The following NEBL variants were observed in gnomAD, a reference collection of about 807,000 sequenced individuals.
The protein encoded by NEBL is nebulette, also known as LIM and SH3 protein 2.
Under a neutral mutation model 140.2 loss-of-function variants are expected in NEBL, and 122 were observed. The ratio of observed to expected loss-of-function variants is 0.87; its 90% confidence interval spans 0.75 to 1.01. The LOEUF is 1.01. NEBL is among the 50% of genes least tolerant of loss of function. NEBL has a pLI of 0.00. For synonymous variants in NEBL, 436 were observed against 398.9 expected (o/e 1.09, Z -1.11); for missense variants, 1,365 against 1,231.3 (o/e 1.11, Z -1.62).
intron 2 of NEBL, among the ~76,000 whole-genome samples, chr10:21,109,126 G>C (rs539280356): frequency 3.3e-5 from 5 of 152,090 alleles, no homozygotes; most frequent in Non-Finnish European, 7.4e-5. Context: ...TATGATATTG[G>C]CTGTGGGTTT....
chr10:20,957,997 A>G (rs1296458386), intron 4 of NEBL, among the ~76,000 whole-genome samples: 1 of 152,136 alleles, frequency 6.6e-6, no homozygotes, highest in East Asian at 1.9e-4. Context: ...AATTTTCCCA[A>G]GGCTAGCCTG....
At chr10:21,218,949 G>C (rs115548632) in intron 3 of NEBL, among the ~76,000 whole-genome samples, 1 of 152,174 alleles carries the variant, frequency 6.6e-6, no homozygotes, top group South Asian at 2.1e-4. Flanking sequence ...CCTGGTACAG[G>C]ACAGGGGAAA....
At chr10:20,951,167 A>G (rs1161272556) in intron 4 of NEBL, among the ~76,000 whole-genome samples, 1 of 152,220 alleles carries the variant, frequency 6.6e-6, no homozygotes, top group East Asian at 1.9e-4. Flanking sequence ...AAAAGGAAAA[A>G]TCAAAAATAT....
chr10:20,805,246 GA>G (rs1183519821), intron 26 of NEBL, among the ~76,000 whole-genome samples: 2 of 152,168 alleles, frequency 1.3e-5, no homozygotes, highest in African/African-American at 4.8e-5. Flanking sequence ...AGGTGGTATT[GA>G]ACTTATAAGG....
In NEBL at chr10:21,117,857, G is replaced by A. The variant is rs185251372; in HGVS notation, c.164+54526C>T. Among the ~76,000 whole-genome samples the A allele has an allele frequency of 5.9e-5, 9 of 151,758 alleles. No individual in the cohort carries two copies. In the East Asian group the frequency reaches 7.7e-4, roughly 13 times the overall value. Reference sequence around the variant, plus strand: ...ACTGGGTTCAAGTAGCAACTCGGCCGCTATTATCTCTATGACCTTACATAA... The same window carrying A: ...ACTGGGTTCAAGTAGCAACTCGGCCACTATTATCTCTATGACCTTACATAA... On this transcript the variant is annotated intron_variant, in intron 2 of 6. Transcript: ENST00000417816.
chr10:21,048,761 T>A (rs1834633562), intron 2 of NEBL, among the ~76,000 whole-genome samples: 1 of 152,152 alleles, frequency 6.6e-6, no homozygotes, highest in South Asian at 2.1e-4. Context: ...TTTGGGAGGC[T>A]GAGGTGGGTG....
intron 2 of NEBL, among the ~76,000 whole-genome samples, chr10:21,028,252 A>AT (rs56366109): frequency 9.7e-6 from 1 of 102,996 alleles, no homozygotes; most frequent in Non-Finnish European, 2.2e-5. Flanking sequence ...AAAAAAAAAA[A>AT]AAAAGAAGAA....
At chr10:21,226,282 T>A (rs1842147257) in intron 3 of NEBL, among the ~76,000 whole-genome samples, 1 of 151,444 alleles carries the variant, frequency 6.6e-6, no homozygotes, top group Non-Finnish European at 1.5e-5. Context: ...CTTTCCCCTC[T>A]CCTCTCCTCA....
At chr10:21,151,335 C>A (rs926251777) in intron 2 of NEBL, among the ~76,000 whole-genome samples, 1 of 152,196 alleles carries the variant, frequency 6.6e-6, no homozygotes, top group Non-Finnish European at 1.5e-5. Flanking sequence ...CCAACTCCCT[C>A]AAGGACCATG....
At chr10:20,797,603 C>G (rs3781487) in intron 26 of NEBL, among the ~76,000 whole-genome samples, 73,012 of 151,982 alleles carry the variant, frequency 0.48, 18,818 homozygotes, top group African/African-American at 0.67. Context: ...TGATTGTCTG[C>G]GTCTCAGAGG....
At chr10:21,277,201 T>C (rs1423860594) in intron 1 of NEBL, among the ~76,000 whole-genome samples, 1 of 146,036 alleles carries the variant, frequency 6.8e-6, no homozygotes, top group Non-Finnish European at 1.5e-5. Flanking sequence ...GCACCAAATA[T>C]TTCTTTCTTT....
intron 4 of NEBL, among the ~76,000 whole-genome samples, chr10:20,958,641 T>C (rs912480950): frequency 5.3e-5 from 8 of 152,238 alleles, no homozygotes; most frequent in Admixed American, 6.5e-5. Flanking sequence ...AAAAATAATT[T>C]TGCTTTATTT....
intron 2 of NEBL, among the ~76,000 whole-genome samples, chr10:21,112,134 G>C (rs1168417107): frequency 6.6e-6 from 1 of 152,088 alleles, no homozygotes. Context: ...GCTTTTACAT[G>C]GTTGGTGGGA....
chr10:21,239,846 C>T (rs892335596), intron 3 of NEBL, among the ~76,000 whole-genome samples: 2 of 152,048 alleles, frequency 1.3e-5, no homozygotes, highest in Admixed American at 6.6e-5. Flanking sequence ...GAAACCCCAT[C>T]TCTACTAAAA....
chr10:20,841,504 G>C (rs1841407487), intron 12 of NEBL: 1 of 152,176 alleles, frequency 6.6e-6, no homozygotes, highest in African/African-American at 2.4e-5. Context: ...ATATTTCAAG[G>C]CCCCCTTTAC....
At chr10:20,816,761 C>T (rs183051034) in intron 21 of NEBL, among the ~76,000 whole-genome samples, 31 of 152,282 alleles carry the variant, frequency 2.0e-4, no homozygotes, top group African/African-American at 7.2e-4. Flanking sequence ...AACAGGGAAT[C>T]GGAGCAGGCC....
At chr10:20,971,991 A>G (rs1212191572) in intron 3 of NEBL, among the ~76,000 whole-genome samples, 1 of 152,238 alleles carries the variant, frequency 6.6e-6, no homozygotes, top group Non-Finnish European at 1.5e-5. Flanking sequence ...ATAAGAAATC[A>G]CAACAGGGAA....
intron 1 of NEBL, among the ~76,000 whole-genome samples, chr10:21,276,073 C>T (rs894843220): frequency 2.0e-5 from 3 of 150,866 alleles, no homozygotes; most frequent in Non-Finnish European, 2.9e-5. Context: ...TAGGTTCAAG[C>T]GATTGTCATG....
intron 2 of NEBL, among the ~76,000 whole-genome samples, chr10:21,120,612 G>A (rs1438287305): frequency 2.1e-5 from 3 of 144,246 alleles, no homozygotes; most frequent in African/African-American, 5.2e-5. Flanking sequence ...ATAAAATACC[G>A]GTTCTCTCTC....
Sources: gnomAD v4.1 joint callset for allele counts (sites outside exome capture counted in the v4.1 genomes callset) on GRCh38, gnomAD v4.1.1 for gene constraint, MANE v1.5 for transcripts, NCBI Gene and HGNC (gene_info 2026-07-23, HGNC 2026-07-21) for gene names.